The following PDZRN3 variants were observed in gnomAD, a reference collection of about 807,000 sequenced individuals.
PDZRN3 encodes PDZ domain containing ring finger 3.
Under a neutral mutation model 85.7 loss-of-function variants are expected in PDZRN3, and 38 were observed. That is an observed-to-expected ratio of 0.44 (90% CI 0.34 to 0.58). The LOEUF (loss-of-function observed/expected upper bound fraction) is 0.58, where lower values mean the gene tolerates loss of function less well. PDZRN3 is among the 20% of genes least tolerant of loss of function. The pLI is 0.01. For synonymous variants in PDZRN3, 759 were observed against 638.0 expected (o/e 1.19, Z -2.86); for missense variants, 1,629 against 1,506.4 (o/e 1.08, Z -1.35).
At chr3:73,439,698 T>A (rs1049114374) in intron 3 of PDZRN3, among the ~76,000 whole-genome samples, 18 of 152,166 alleles carry the variant, frequency 1.2e-4, no homozygotes, top group African/African-American at 4.3e-4. Flanking sequence ...TGAAAAGCTA[T>A]GTAAGCTCAG....
chr3:73,383,156 A>C lies in PDZRN3; in HGVS notation c.*209T>G. 2.0e-6 allele frequency: 1 copy of C among 495,950 alleles called. No homozygotes were observed. Among genetic ancestry groups the C allele is most frequent in the Non-Finnish European group, 3.5e-6 (1 of 285,816 alleles). 30.7% of individuals were successfully genotyped at this position (495,950 alleles called of 1,614,324 possible). A position where few individuals can be genotyped will look rare whatever the true frequency, so the allele number is the denominator to read the frequency against. ...TATTTGAAAAAAGCTCTGTTTGTTA[A>C]TATTGCCTTCCAAGATAGTAAGGGT... On this transcript the variant is annotated 3_prime_UTR_variant, in exon 10 of 10. Coordinates refer to ENST00000263666, the MANE Select transcript of PDZRN3 (RefSeq NM_015009.3).
chr3:73,486,223 G>A (rs1025209685), intron 3 of PDZRN3, among the ~76,000 whole-genome samples: 2 of 152,166 alleles, frequency 1.3e-5, no homozygotes, highest in Admixed American at 1.3e-4. Flanking sequence ...TCGCTTTTAG[G>A]TCAACAGCTT....
At chr3:73,435,992 T>C (rs1181003042) in intron 3 of PDZRN3, among the ~76,000 whole-genome samples, 1 of 152,164 alleles carries the variant, frequency 6.6e-6, no homozygotes, top group East Asian at 1.9e-4. Context: ...CAGCAAGCCA[T>C]GCCCTTCTGC....
intron 3 of PDZRN3, among the ~76,000 whole-genome samples, chr3:73,459,140 A>T (rs1327930310): frequency 6.6e-6 from 1 of 152,154 alleles, no homozygotes; most frequent in Non-Finnish European, 1.5e-5. Context: ...GAGTGCCAGC[A>T]AGGGAAAATG....
chr3:73,387,304 TG>T (rs1701417031), intron 8 of PDZRN3, among the ~76,000 whole-genome samples: 1 of 152,222 alleles, frequency 6.6e-6, no homozygotes, highest in Non-Finnish European at 1.5e-5. Context: ...CCATTCTAAG[TG>T]GATCAAGAGT....
chr3:73,414,175 A>C (rs1314722434), intron 3 of PDZRN3, among the ~76,000 whole-genome samples: 2 of 152,198 alleles, frequency 1.3e-5, no homozygotes, highest in East Asian at 3.9e-4. Flanking sequence ...AACATCACAC[A>C]TTTTTTGAAG....
intron 4 of PDZRN3, chr3:73,401,625 C>T (rs1258683262): frequency 6.6e-6 from 1 of 152,400 alleles, no homozygotes; most frequent in Non-Finnish European, 1.5e-5. Context: ...AATGAGTACA[C>T]ACACATTCAC....
At chr3:73,418,557 A>G (rs1025436591) in intron 3 of PDZRN3, among the ~76,000 whole-genome samples, 1 of 152,170 alleles carries the variant, frequency 6.6e-6, no homozygotes, top group Non-Finnish European at 1.5e-5. Flanking sequence ...ATTATTTCAG[A>G]TCACTCCCCA....
intron 3 of PDZRN3, among the ~76,000 whole-genome samples, chr3:73,440,179 T>A (rs190454876): frequency 3.0e-3 from 456 of 152,304 alleles, no homozygotes; most frequent in Non-Finnish European, 4.0e-3. Flanking sequence ...ACTGTTTCAC[T>A]TGAAGTACTA....
intron 3 of PDZRN3, among the ~76,000 whole-genome samples, chr3:73,495,994 T>C (rs1388313866): frequency 6.6e-6 from 1 of 150,920 alleles, no homozygotes; most frequent in Non-Finnish European, 1.5e-5. Context: ...TTCAGCACCA[T>C]ATATCTGTTC....
chr3:73,591,381 T>C (rs1406055426), intron 3 of PDZRN3, among the ~76,000 whole-genome samples: 1 of 152,210 alleles, frequency 6.6e-6, no homozygotes, highest in East Asian at 1.9e-4. Flanking sequence ...AAGATGTAAA[T>C]TAAGAATTAT....
chr3:73,414,580 T>C (rs1174296787), intron 3 of PDZRN3, among the ~76,000 whole-genome samples: 1 of 152,250 alleles, frequency 6.6e-6, no homozygotes, highest in African/African-American at 2.4e-5. Context: ...TTGATTGTGA[T>C]AGGATCCTTG....
rs904721042 is a variant in PDZRN3 at position 73,425,156 on chromosome 3, A to G, written c.919-20761T>C. On this transcript the variant is annotated intron_variant, in intron 3 of 9. Coordinates refer to ENST00000263666, the MANE Select transcript of PDZRN3 (RefSeq NM_015009.3). ...CAGCCTCCTGAGTAGCTGGGACCAC[A>G]GGTGCCTGCCACCACGCCTGTCTAA... Among the ~76,000 whole-genome samples the G allele has an allele frequency of 5.3e-5, 8 of 151,898 alleles. 1 individual carries two copies. Among genetic ancestry groups the G allele is most frequent in the Non-Finnish European group, 1.0e-4 (7 of 67,998 alleles).
At chr3:73,386,296 A>C (rs4082466) in intron 8 of PDZRN3, among the ~76,000 whole-genome samples, 105,230 of 145,628 alleles carry the variant, frequency 0.72, 38,144 homozygotes, top group African/African-American at 0.79. Flanking sequence ...GGCACGATCT[A>C]GGTTCACTGC....
intron 3 of PDZRN3, among the ~76,000 whole-genome samples, chr3:73,430,701 C>T (rs1023858498): frequency 6.6e-6 from 1 of 152,214 alleles, no homozygotes; most frequent in Non-Finnish European, 1.5e-5. Context: ...CACTCCCTGG[C>T]CCCAACACCT....
rs1702922940 is a variant in PDZRN3, at chr3:73,624,204, C to T, written c.622G>A (p.Glu208Lys). The stretch of plus-strand genomic sequence containing the variant: ...TAGCGCAGCGCGGTCATCTGCAGCT[C>T]AAGCTGCGCCGCGGCCAGCTGGGCC... ...LVAQLAAAQL[E>K]LQMTALRYQK... The change falls in exon 1 of 10, where the codon GAG becomes AAG. Residue 208 changes from glutamate (E) to lysine (K), a missense_variant. Physicochemically the swap from Glu to Lys is moderately conservative, Grantham distance 56 (BLOSUM62 1). Coordinates refer to ENST00000263666, the MANE Select transcript of PDZRN3 (RefSeq NM_015009.3). The T allele has an allele frequency of 1.3e-6, 2 of 1,490,000 alleles. No homozygotes were observed. Among genetic ancestry groups the T allele is most frequent in the Non-Finnish European group, 1.8e-6 (2 of 1,126,264 alleles). 92.3% of individuals were successfully genotyped at this position (1,490,000 alleles called of 1,614,324 possible).
chr3:73,509,237 C>T (rs1011416767), intron 3 of PDZRN3, among the ~76,000 whole-genome samples: 1 of 152,192 alleles, frequency 6.6e-6, no homozygotes, highest in African/African-American at 2.4e-5. Flanking sequence ...ACTTTGCCCT[C>T]ATAATCACAT....
At chr3:73,534,140 A>C (rs111873989) in intron 3 of PDZRN3, among the ~76,000 whole-genome samples, 1 of 152,206 alleles carries the variant, frequency 6.6e-6, no homozygotes, top group African/African-American at 2.4e-5. Flanking sequence ...TTAATTTACA[A>C]GTGAGCAAAT....
intron 3 of PDZRN3, among the ~76,000 whole-genome samples, chr3:73,508,420 A>G (rs1704106391): frequency 6.6e-6 from 1 of 152,220 alleles, no homozygotes; most frequent in African/African-American, 2.4e-5. Flanking sequence ...AGAAAAGTCA[A>G]CCGAAGTTTC....
Sources: allele counts gnomAD v4.1 joint callset (sites outside exome capture counted in the v4.1 genomes callset), GRCh38; gene constraint gnomAD v4.1.1; transcripts MANE v1.5; gene names NCBI Gene and HGNC (gene_info 2026-07-23, HGNC 2026-07-21).